The following SELP variants were observed in gnomAD, a reference collection of about 807,000 sequenced individuals.
The protein encoded by SELP is P-selectin.
In SELP, 92 loss-of-function variants were observed where a neutral mutation model predicts 104.1. The ratio of observed to expected loss-of-function variants is 0.88; its 90% CI spans 0.75 to 1.05. The LOEUF (loss-of-function observed/expected upper bound fraction) is 1.05. SELP is among the 50% of genes least tolerant of loss of function. SELP has a pLI of 0.00. For missense variants in SELP, 1,022 were observed against 1,017.3 expected, an observed-to-expected ratio of 1.00 and a Z score of -0.06; for synonymous variants, 397 against 364.5, an observed-to-expected ratio of 1.09 and a Z score of -1.01.
chr1:169,619,271 G>T, intron 1 of SELP, 52 bp from the exon 2 acceptor site: 1 of 1,277,984 alleles, frequency 7.8e-7, no homozygotes, highest in Non-Finnish European at 1.1e-6. Flanking sequence ...CACCAACATG[G>T]CCAAAAATAA....
chr1:169,612,414 C>G lies in SELP; in HGVS notation c.776-12G>C, dbSNP rs1405835319. ...TGGGCACTGGGCAGCTAAAACCAACCACAGAATAATAGTGTGAGTCCTTGG... is the reference window on the plus strand; with the variant it reads ...TGGGCACTGGGCAGCTAAAACCAACGACAGAATAATAGTGTGAGTCCTTGG... On this transcript the variant is annotated splice_polypyrimidine_tract_variant and intron_variant, in intron 5 of 16. Transcript: ENST00000263686. 1 of 1,613,642 alleles carries G rather than the reference C, an allele frequency of 6.2e-7. No homozygotes were observed. Among genetic ancestry groups the G allele is most frequent in the Non-Finnish European group, 8.5e-7 (1 of 1,179,714 alleles).
At chr1:169,600,208 T>C (rs1195749744) in intron 10 of SELP, among the ~76,000 whole-genome samples, 1 of 145,708 alleles carries the variant, frequency 6.9e-6, no homozygotes, top group Non-Finnish European at 1.5e-5. Flanking sequence ...ATTCAACTCG[T>C]TGTGGATCAA....
Position 169,605,982 on chromosome 1 carries a change from C to A in SELP, c.1519+967G>T, listed in dbSNP as rs3917758. On this transcript the variant is annotated intron_variant, in intron 9 of 16. Coordinates refer to ENST00000263686, the MANE Select transcript of SELP (RefSeq NM_003005.4). ...TGACTAGAACCCGTTCAAGTTCATACAAGATGTTGCAATACTGACAGAGCA... is the reference window on the plus strand; with the variant it reads ...TGACTAGAACCCGTTCAAGTTCATAAAAGATGTTGCAATACTGACAGAGCA... Among the ~76,000 whole-genome samples, 589 of 152,238 alleles carry A rather than the reference C, an allele frequency of 3.9e-3. 7 individuals carry two copies. Among genetic ancestry groups the A allele is most frequent in the African/African-American group, 0.013 (556 of 41,530 alleles).
chr1:169,593,842 A>G, intron 13 of SELP, 118 bp from the exon 14 acceptor site: 1 of 1,010,076 alleles, frequency 9.9e-7, no homozygotes, highest in Non-Finnish European at 1.4e-6. Flanking sequence ...AGGATCACCA[A>G]AGGTCCTGGG....
At chr1:169,608,832 G>C (rs1347864072) in intron 8 of SELP, among the ~76,000 whole-genome samples, 2 of 152,134 alleles carry the variant, frequency 1.3e-5, no homozygotes, top group African/African-American at 2.4e-5. Flanking sequence ...CATGACTTTA[G>C]TGTGAGGTAC....
Position 169,621,918 on chromosome 1 carries a change from A to G in SELP, c.4-2699T>C, listed in dbSNP as rs566149145. 1.2e-3 allele frequency among the ~76,000 whole-genome samples: 183 copies of G among 152,312 alleles called. 1 individual carries two copies. The highest frequency in any genetic ancestry group is 4.0e-3 in the African/African-American group (165 of 41,566). On this transcript the variant is annotated intron_variant, in intron 1 of 16. Transcript: ENST00000263686. ...TTCCTATCACATTTCAAAATGCACC[A>G]TTCCAAATGCTGAAGTGGAATTCTT...
At chr1:169,598,149 C>G (rs183859935) in intron 10 of SELP, among the ~76,000 whole-genome samples, 4 of 152,284 alleles carry the variant, frequency 2.6e-5, no homozygotes, top group African/African-American at 9.6e-5. Flanking sequence ...CAATTTCCCC[C>G]CAAAAGTATT....
intron 9 of SELP, among the ~76,000 whole-genome samples, chr1:169,605,322 T>C (rs1394749610): frequency 6.6e-6 from 1 of 152,202 alleles, no homozygotes; most frequent in Non-Finnish European, 1.5e-5. Context: ...GACCCAGCTC[T>C]GAAGGTGCAC....
At chr1:169,613,229 T>G (rs1359352789) in intron 4 of SELP, 115 bp from the exon 5 acceptor site, 2 of 1,002,704 alleles carry the variant, frequency 2.0e-6, no homozygotes, top group African/African-American at 1.6e-5. Flanking sequence ...TTCTAAACTT[T>G]TAACCCAAGC....
chr1:169,628,929 C>G (rs1256485377), intron 1 of SELP, among the ~76,000 whole-genome samples: 1 of 152,240 alleles, frequency 6.6e-6, no homozygotes, highest in East Asian at 1.9e-4. Context: ...ACACAGAAAC[C>G]CACATTATAA....
In SELP at chr1:169,596,070, G is replaced by C; in HGVS notation, c.1956C>G (p.Thr652=). The C allele has an allele frequency of 1.2e-6, 2 of 1,613,900 alleles. No individual in the cohort carries two copies. Among genetic ancestry groups the C allele is most frequent in the Non-Finnish European group, 1.7e-6 (2 of 1,179,842 alleles). Residue 652 remains threonine, a synonymous_variant, in exon 12 of 17, where the codon ACC becomes ACG. Coordinates refer to ENST00000263686, the MANE Select transcript of SELP (RefSeq NM_003005.4). ...TTCCCGGATGATGCCTACAGTACAT[G>C]GTTCCCTGCCCAGGAGTGGTGAGGG... ...CPALTTPGQG[T]MYCRHHPGTF...
Position 169,591,433 on chromosome 1 carries a change from G to T in SELP, c.2431C>A (p.Pro811Thr). 6.3e-7 allele frequency: 1 copy of T among 1,580,414 alleles called. No homozygotes were observed. The highest frequency in any genetic ancestry group is 1.2e-5 in the South Asian group (1 of 84,754). Residue 811 changes from proline (P) to threonine (T), a missense_variant, in exon 15 of 17, where the codon CCT (proline) becomes ACT (threonine). Transcript: ENST00000263686. ...AAAACATTTCTACCTTACCTGTGAG[G>T]ATTCAAGGGGCATTTCCCATCATCT... is the stretch of plus-strand genomic sequence containing the variant. ...QKDDGKCPLN[P>T]HSHLGTYGVF...
intron 2 of SELP, among the ~76,000 whole-genome samples, chr1:169,618,100 T>C (rs1662914396): frequency 6.6e-6 from 1 of 152,238 alleles, no homozygotes; most frequent in Admixed American, 6.5e-5. Context: ...TATGATACAG[T>C]CTACATCTGC....
At chr1:169,597,951 T>G (rs1169446574) in intron 10 of SELP, among the ~76,000 whole-genome samples, 1 of 152,166 alleles carries the variant, frequency 6.6e-6, no homozygotes, top group Admixed American at 6.5e-5. Context: ...TCTTCAACTT[T>G]TTGTCTGAAC....
At chr1:169,602,144 G>T (rs1661938381) in intron 10 of SELP, among the ~76,000 whole-genome samples, 1 of 152,118 alleles carries the variant, frequency 6.6e-6, no homozygotes, top group African/African-American at 2.4e-5. Flanking sequence ...ACTGGTAAAT[G>T]ATCACCTTCA....
intron 14 of SELP, among the ~76,000 whole-genome samples, chr1:169,592,233 C>T (rs1661387112): frequency 6.6e-6 from 1 of 152,114 alleles, no homozygotes; most frequent in African/African-American, 2.4e-5. Flanking sequence ...AGAGTATTGA[C>T]CTTTGTCTAT....
At chr1:169,605,870 G>A (rs1662166057) in intron 9 of SELP, among the ~76,000 whole-genome samples, 1 of 152,080 alleles carries the variant, frequency 6.6e-6, no homozygotes, top group Admixed American at 6.6e-5. Context: ...GTCTATAAAA[G>A]TTAACTAAGG....
At chr1:169,629,888 G>A (rs1000033133) in intron 1 of SELP, among the ~76,000 whole-genome samples, 184 bp downstream of exon 1, 12 of 152,214 alleles carry the variant, frequency 7.9e-5, no homozygotes, top group Admixed American at 7.9e-4. Context: ...CAACTCACAA[G>A]GGTGTTGGGA....
At chr1:169,598,346 A>G (rs547376491) in intron 10 of SELP, among the ~76,000 whole-genome samples, 69 of 152,346 alleles carry the variant, frequency 4.5e-4, no homozygotes, top group African/African-American at 1.6e-3. Flanking sequence ...TTACTTAGAT[A>G]GTTTGATTTT....
Sources: allele counts gnomAD v4.1 joint callset (sites outside exome capture counted in the v4.1 genomes callset), GRCh38; gene constraint gnomAD v4.1.1; transcripts MANE v1.5; gene names NCBI Gene and HGNC (gene_info 2026-07-23, HGNC 2026-07-21).